The following ADGRL3 variants were observed in gnomAD, a reference collection of about 807,000 sequenced individuals.
The protein encoded by ADGRL3 is adhesion G protein-coupled receptor L3.
Under a neutral mutation model 153.5 loss-of-function variants are expected in ADGRL3, and 62 were observed. The ratio of observed to expected loss-of-function variants is 0.40; its 90% CI spans 0.33 to 0.50. The LOEUF (loss-of-function observed/expected upper bound fraction) is 0.50, where lower values mean the gene tolerates loss of function less well. Among genes scored for constraint, ADGRL3 ranks in the 20% least tolerant of loss-of-function variants. The pLI, the probability that ADGRL3 is intolerant of heterozygous loss-of-function variation, is 0.47. For synonymous variants in ADGRL3, 710 were observed against 672.5 expected, an observed-to-expected ratio of 1.06 and a Z score of -0.86; for missense variants, 1,641 against 1,859.4, an observed-to-expected ratio of 0.88 and a Z score of 2.16.
chr4:61,931,550 G>A (rs941809613), intron 13 of ADGRL3, among the ~76,000 whole-genome samples: 10 of 152,102 alleles, frequency 6.6e-5, no homozygotes, highest in African/African-American at 2.2e-4. Flanking sequence ...GGTACAATTC[G>A]GGGATGTGGT....
chr4:61,781,875 A>AT (rs1433588600), intron 8 of ADGRL3, among the ~76,000 whole-genome samples: 1 of 152,188 alleles, frequency 6.6e-6, no homozygotes, highest in African/African-American at 2.4e-5. Flanking sequence ...CTCTGAGATA[A>AT]TTCAGAGGGC....
intron 4 of ADGRL3, among the ~76,000 whole-genome samples, chr4:61,528,117 C>G (rs2098583855): frequency 6.6e-6 from 1 of 152,144 alleles, no homozygotes; most frequent in Non-Finnish European, 1.5e-5. Flanking sequence ...TGTGACCTCA[C>G]TATGCTTCGG....
rs201285372 is a variant in ADGRL3, at chr4:61,371,465, T to G, written c.-239-11659T>G. ...TCTCAGCAGTTGCTTGTCTGTAAAG[T>G]ATTTTATTTCTCCTTCACTTATGAA... On this transcript the variant is annotated intron_variant, in intron 1 of 26. Transcript: ENST00000683033. Among the ~76,000 whole-genome samples the G allele has an allele frequency of 2.0e-4, 30 of 151,986 alleles. No homozygotes were observed. The East Asian group carries it at 3.3e-3, about 17-fold the overall frequency.
intron 1 of ADGRL3, among the ~76,000 whole-genome samples, chr4:61,367,052 C>G (rs2096411151): frequency 1.3e-5 from 2 of 151,872 alleles, no homozygotes; most frequent in Non-Finnish European, 2.9e-5. Flanking sequence ...AAAAGTTTGC[C>G]TTTTATGTAA....
intron 2 of ADGRL3, among the ~76,000 whole-genome samples, chr4:61,472,920 T>G (rs1441016764): frequency 6.6e-6 from 1 of 152,156 alleles, no homozygotes; most frequent in Non-Finnish European, 1.5e-5. Flanking sequence ...TTGGTACATT[T>G]TCTTTTGTCC....
chr4:61,631,283 G>A lies in ADGRL3; in HGVS notation c.473+43843G>A, dbSNP rs530932135. Among the ~76,000 whole-genome samples the A allele has an allele frequency of 2.0e-4, 31 of 152,100 alleles. 1 individual carries two copies. In the South Asian group the frequency reaches 6.0e-3, roughly 29 times the overall value. ...CCAGTGATGTATTAATGAATGTTCT[G>A]GAAAAAAATAATAAAAGGTTTCTAA... On this transcript the variant is annotated intron_variant, in intron 5 of 26. Coordinates refer to ENST00000683033, the MANE Select transcript of ADGRL3 (RefSeq NM_001387552.1).
intron 1 of ADGRL3, among the ~76,000 whole-genome samples, chr4:61,219,278 T>C (rs1026435425): frequency 6.6e-6 from 1 of 152,212 alleles, no homozygotes; most frequent in African/African-American, 2.4e-5. Flanking sequence ...GATCTACCTG[T>C]ATAAGATATG....
At chr4:61,548,688 A>G (rs1271698688) in intron 4 of ADGRL3, among the ~76,000 whole-genome samples, 3 of 152,102 alleles carry the variant, frequency 2.0e-5, no homozygotes, top group Non-Finnish European at 4.4e-5. Flanking sequence ...TTCTTATAGT[A>G]TAGTTTGAAA....
intron 9 of ADGRL3, among the ~76,000 whole-genome samples, chr4:61,832,343 C>T (rs544521179): frequency 6.6e-6 from 1 of 152,158 alleles, no homozygotes; most frequent in Non-Finnish European, 1.5e-5. Flanking sequence ...TGGAGCTGTC[C>T]TCAGGACAAC....
intron 9 of ADGRL3, among the ~76,000 whole-genome samples, chr4:61,828,828 A>G (rs559678078): frequency 6.6e-6 from 1 of 152,324 alleles, no homozygotes; most frequent in East Asian, 1.9e-4. Flanking sequence ...TGTCATATGA[A>G]AAGCTATGTC....
intron 11 of ADGRL3, among the ~76,000 whole-genome samples, chr4:61,909,283 G>C (rs1213707872): frequency 6.6e-6 from 1 of 152,084 alleles, no homozygotes; most frequent in Non-Finnish European, 1.5e-5. Flanking sequence ...GCAAACCTTA[G>C]ACCTAACGAC....
intron 5 of ADGRL3, among the ~76,000 whole-genome samples, chr4:61,594,850 C>T (rs944482066): frequency 6.6e-6 from 1 of 152,110 alleles, no homozygotes; most frequent in Non-Finnish European, 1.5e-5. Context: ...GCCTGATGTT[C>T]TATTCTTCTG....
intron 4 of ADGRL3, among the ~76,000 whole-genome samples, chr4:61,545,271 G>A (rs2098708308): frequency 2.6e-5 from 4 of 152,124 alleles, no homozygotes; most frequent in Admixed American, 2.6e-4. Context: ...AGAGGCAAAA[G>A]GAGTTCCCCT....
chr4:61,482,686 G>A (rs962667727), intron 2 of ADGRL3, among the ~76,000 whole-genome samples: 6 of 151,996 alleles, frequency 3.9e-5, no homozygotes, highest in African/African-American at 1.2e-4. Flanking sequence ...ATAAAAATAG[G>A]AGCCATTAAA....
chr4:61,792,868 T>A (rs1477386464), intron 8 of ADGRL3, among the ~76,000 whole-genome samples: 4 of 151,946 alleles, frequency 2.6e-5, no homozygotes, highest in Non-Finnish European at 5.9e-5. Context: ...CAAAGTTGCT[T>A]CCATACTTTC....
intron 9 of ADGRL3, among the ~76,000 whole-genome samples, chr4:61,856,894 T>TCAGC (rs2098273908): frequency 6.6e-6 from 1 of 150,908 alleles, no homozygotes; most frequent in Non-Finnish European, 1.5e-5. Flanking sequence ...GCCAGGGAGC[T>TCAGC]CAGCCTGCCT....
intron 1 of ADGRL3, among the ~76,000 whole-genome samples, chr4:61,287,463 C>T (rs1305078492): frequency 4.6e-5 from 7 of 151,738 alleles, no homozygotes; most frequent in East Asian, 1.9e-4. Flanking sequence ...AAAAAGTGTT[C>T]GCAACGAGGG....
At chr4:61,265,915 A>T (rs1202040067) in intron 1 of ADGRL3, among the ~76,000 whole-genome samples, 1 of 151,876 alleles carries the variant, frequency 6.6e-6, no homozygotes, top group East Asian at 1.9e-4. Flanking sequence ...CACATACATC[A>T]ATATACATTG....
chr4:61,748,441 G>A (rs375135335), intron 8 of ADGRL3, among the ~76,000 whole-genome samples: 11,500 of 148,956 alleles, frequency 0.077, 973 homozygotes, highest in African/African-American at 0.21. Context: ...GAGGCATCAC[G>A]CTACCTGACT....
Sources: gnomAD v4.1 joint callset for allele counts (sites outside exome capture counted in the v4.1 genomes callset) on GRCh38, gnomAD v4.1.1 for gene constraint, MANE v1.5 for transcripts, NCBI Gene and HGNC (gene_info 2026-07-23, HGNC 2026-07-21) for gene names.